PON1: variants seen among roughly 807,000 people sequenced by gnomAD.
PON1 encodes paraoxonase 1.
Under a neutral mutation model 39.2 loss-of-function variants are expected in PON1, and 37 were observed. That is an observed-to-expected ratio of 0.94 (90% CI 0.73 to 1.24). The LOEUF is 1.24. Ranked by LOEUF, PON1 falls within the 50% of genes most tolerant of loss-of-function variation. PON1 has a pLI of 0.00. For missense variants in PON1, 397 were observed against 413.5 expected (o/e 0.96, Z 0.35); for synonymous variants, 148 against 152.2 (o/e 0.97, Z 0.21).
At chr7:95,303,592 T>C (rs3917558) in intron 7 of PON1, among the ~76,000 whole-genome samples, 25,916 of 152,096 alleles carry the variant, frequency 0.17, 4,090 homozygotes, top group African/African-American at 0.42. Flanking sequence ...AGCTCCTACA[T>C]GAGCTCTGCA....
At chr7:95,300,095 T>C (rs780912504) in intron 8 of PON1, among the ~76,000 whole-genome samples, 26 of 152,328 alleles carry the variant, frequency 1.7e-4, no homozygotes, top group Middle Eastern at 6.8e-3. Context: ...TTTCCTTCAC[T>C]TAATTGAGGA....
chr7:95,319,833 A>G, intron 1 of PON1, among the ~76,000 whole-genome samples: 1 of 152,252 alleles, frequency 6.6e-6, no homozygotes, highest in East Asian at 1.9e-4. Flanking sequence ...CACCCAGCAC[A>G]TGCACACACA....
At chr7:95,300,826 T>A (rs1585690551) in intron 8 of PON1, among the ~76,000 whole-genome samples, 1 of 152,178 alleles carries the variant, frequency 6.6e-6, no homozygotes, top group Non-Finnish European at 1.5e-5. Context: ...ACAGCATACA[T>A]TTCTTCAATT....
Position 95,297,759 on chromosome 7 carries a change from T to G in PON1, c.*1185A>C, listed in dbSNP as rs905968164. 3 of 152,264 alleles carry G rather than the reference T, an allele frequency of 2.0e-5. No homozygotes were observed. The highest frequency in any genetic ancestry group is 6.5e-5 in the Admixed American group (1 of 15,280). The allele number at this position is 152,264 out of a possible 1,614,324, so 9.4% of individuals were successfully genotyped here. ...GTGAGCCAAGATCGCACCACTGCAC[T>G]CCAGCCTGGGCAACAGAGTGAGATT... On this transcript the variant is annotated 3_prime_UTR_variant, in exon 9 of 9. Transcript: ENST00000222381.
At chr7:95,302,424 T>C in intron 7 of PON1, 91 bp from the exon 8 acceptor site, 5 of 1,171,656 alleles carry the variant, frequency 4.3e-6, no homozygotes, top group Non-Finnish European at 6.2e-6. Context: ...TTGCCTCTTG[T>C]CCTTGGTCAC....
intron 1 of PON1, among the ~76,000 whole-genome samples, chr7:95,322,620 T>C (rs1222490082): frequency 6.6e-6 from 1 of 152,148 alleles, no homozygotes; most frequent in Non-Finnish European, 1.5e-5. Flanking sequence ...GACTCACGTA[T>C]TGCAATTAGC....
At position 95,308,048 on chromosome 7, in the gene PON1, C is replaced by T. The variant is rs766660411; in HGVS notation, c.661G>A (p.Asp221Asn). 6.2e-7 allele frequency: 1 copy of T among 1,614,094 alleles called. No homozygotes were observed. The highest frequency in any genetic ancestry group is 8.5e-7 in the Non-Finnish European group (1 of 1,180,012). ...GAAATGTTGATTCCATTAGCAAAATCAAATCCTTCTGCCACCACTCGAACT... is the reference window on the plus strand; with the variant it reads ...GAAATGTTGATTCCATTAGCAAAATTAAATCCTTCTGCCACCACTCGAACT... ...SEVRVVAEGF[D>N]FANGINISPD... Residue 221 changes from aspartate (D) to asparagine (N), a missense_variant, in exon 6 of 9, where the codon GAT becomes AAT. Asp to Asn is a conservative substitution (Grantham distance 23). Transcript: ENST00000222381.
At chr7:95,321,299 TC>T (rs531769509) in intron 1 of PON1, among the ~76,000 whole-genome samples, 1 of 152,090 alleles carries the variant, frequency 6.6e-6, no homozygotes, top group South Asian at 2.1e-4. Flanking sequence ...AGGACGAACA[TC>T]CAAACCAAGG....
chr7:95,314,503 C>G (rs2116318236), intron 4 of PON1, among the ~76,000 whole-genome samples: 1 of 152,240 alleles, frequency 6.6e-6, no homozygotes, highest in South Asian at 2.1e-4. Flanking sequence ...TAGCCACCCA[C>G]AGTGGGGAAA....
chr7:95,299,614 A>G (rs1807371597), intron 8 of PON1, among the ~76,000 whole-genome samples: 2 of 152,086 alleles, frequency 1.3e-5, no homozygotes, highest in African/African-American at 4.8e-5. Flanking sequence ...GCAGGCAGAA[A>G]AACATGAAGA....
intron 4 of PON1, among the ~76,000 whole-genome samples, 165 bp downstream of exon 4, chr7:95,315,157 C>A (rs1181388456): frequency 6.6e-6 from 1 of 152,140 alleles, no homozygotes; most frequent in Non-Finnish European, 1.5e-5. Context: ...AGTGGTTTTA[C>A]TATAAAGTTC....
At chr7:95,322,348 G>GTA (rs1243628970) in intron 1 of PON1, among the ~76,000 whole-genome samples, 161 of 128,056 alleles carry the variant, frequency 1.3e-3, no homozygotes, top group African/African-American at 3.8e-3. Context: ...GTGTGTGTGT[G>GTA]TGTATATATA....
intron 7 of PON1, among the ~76,000 whole-genome samples, chr7:95,303,166 C>T (rs549506996): frequency 6.6e-6 from 1 of 152,292 alleles, no homozygotes; most frequent in South Asian, 2.1e-4. Context: ...TTGAAAAAGC[C>T]AGGGCATAAG....
At position 95,297,897 on chromosome 7, in the gene PON1, A is replaced by T. The variant is rs1484499289; in HGVS notation, c.*1047T>A. 6.6e-6 allele frequency: 1 copy of T among 152,232 alleles called. No individual in the cohort carries two copies. The highest frequency in any genetic ancestry group is 1.5e-5 in the Non-Finnish European group (1 of 68,044). The allele number at this position is 152,232 out of a possible 1,614,324, so 9.4% of individuals were successfully genotyped here. A position where few individuals can be genotyped will look rare whatever the true frequency, so the allele number is the denominator to read the frequency against. On this transcript the variant is annotated 3_prime_UTR_variant, in exon 9 of 9. Transcript: ENST00000222381. ...GTTATACCTTCAAATCAGAAAAACA[A>T]ATAAATGAAAATGTGTAACCTTTAT...
chr7:95,317,573 CAAAAAAAAAA>C (rs869140411), intron 2 of PON1, among the ~76,000 whole-genome samples: 1 of 46,868 alleles, frequency 2.1e-5, no homozygotes, highest in Non-Finnish European at 4.8e-5. Context: ...TCTAAAAGAA[CAAAAAAAAAA>C]AAAAAAAAAA....
chr7:95,308,132 A>T lies in PON1; in HGVS notation c.577T>A (p.Ser193Thr). The change falls in exon 6 of 9, where the codon TCC (serine) becomes ACC (threonine). Residue 193 changes from serine (S) to threonine (T), a missense_variant. Physicochemically the swap from Ser to Thr is moderately conservative, Grantham distance 58. Coordinates refer to ENST00000222381, the MANE Select transcript of PON1 (RefSeq NM_000446.7). ...DHYFLDPYLQ[S>T]WEMYLGLAWS... is the part of the protein sequence containing the mutation. ...GCTAAACCCAAATACATCTCCCAGG[A>T]TTGTAAGTAGGGGTCAAGAAAATAG... The T allele has an allele frequency of 6.2e-7, 1 of 1,614,104 alleles. No homozygotes were observed. The highest frequency in any genetic ancestry group is 1.3e-5 in the African/African-American group (1 of 75,018).
At chr7:95,322,503 C>T (rs760281130) in intron 1 of PON1, among the ~76,000 whole-genome samples, 4 of 152,234 alleles carry the variant, frequency 2.6e-5, no homozygotes, top group African/African-American at 9.6e-5. Flanking sequence ...CACAACTACT[C>T]TCTTCCCACA....
intron 4 of PON1, among the ~76,000 whole-genome samples, chr7:95,314,085 G>A (rs2299259): frequency 0.25 from 38,071 of 151,806 alleles, 5,132 homozygotes; most frequent in East Asian, 0.5. Flanking sequence ...TAGGCTGGGC[G>A]CGGTGGCTCA....
At chr7:95,318,541 GC>G in intron 1 of PON1, 148 bp from the exon 2 acceptor site, 2 of 692,490 alleles carry the variant, frequency 2.9e-6, no homozygotes, top group Non-Finnish European at 5.1e-6. Context: ...TCCAGGCAAG[GC>G]CAGGGCAAGA....
Sources: gnomAD v4.1 joint callset for allele counts (sites outside exome capture counted in the v4.1 genomes callset) on GRCh38, gnomAD v4.1.1 for gene constraint, MANE v1.5 for transcripts, NCBI Gene and HGNC (gene_info 2026-07-23, HGNC 2026-07-21) for gene names.